The following SNW1 variants were observed in gnomAD, a reference collection of about 807,000 sequenced individuals.
The protein encoded by SNW1 is SNW domain-containing protein 1.
A neutral mutation model predicts 75.6 loss-of-function variants in SNW1; 9 were observed. The ratio of observed to expected loss-of-function variants is 0.12; its 90% CI spans 0.07 to 0.21. The LOEUF (loss-of-function observed/expected upper bound fraction) is 0.21. Ranked by LOEUF, SNW1 falls within the 10% of genes least tolerant of loss-of-function variation. The probability of loss-of-function intolerance (pLI) is 1.00; values close to 1 mark genes in which losing one functional copy is unlikely to be tolerated. For missense variants in SNW1, 409 were observed against 670.9 expected (o/e 0.61, Z 4.31); for synonymous variants, 200 against 219.1 (o/e 0.91, Z 0.77).
In SNW1 at chr14:77,727,977, T is replaced by C. The variant is rs2080598598; in HGVS notation, c.1033+3011A>G. Among the ~76,000 whole-genome samples the C allele has an allele frequency of 1.3e-5, 2 of 151,776 alleles. 1 individual carries two copies. Among genetic ancestry groups the C allele is most frequent in the South Asian group, 4.2e-4 (2 of 4,812 alleles). ...TGAGTAGAACTGGTATTTAGTTCTT[T>C]AAATGTTTGGAAAAATTCGGCAGTG... On this transcript the variant is annotated intron_variant, in intron 10 of 13. Transcript: ENST00000261531.
At position 77,722,036 on chromosome 14, in the gene SNW1, C is replaced by G. The variant is rs2080545445; in HGVS notation, c.1130+1145G>C. On this transcript the variant is annotated intron_variant, in intron 11 of 13. Coordinates refer to ENST00000261531, the MANE Select transcript of SNW1 (RefSeq NM_012245.3). Reference sequence around the variant, plus strand: ...GTGCTGGGATTACAGGTGTCAGCCACTGTGCCCGGCCTCTTTTTTGTGTTT... The same window carrying G: ...GTGCTGGGATTACAGGTGTCAGCCAGTGTGCCCGGCCTCTTTTTTGTGTTT... Among the ~76,000 whole-genome samples the G allele has an allele frequency of 2.6e-5, 4 of 152,238 alleles. No homozygotes were observed. In the South Asian group the frequency reaches 8.3e-4, roughly 32 times the overall value.
intron 8 of SNW1, among the ~76,000 whole-genome samples, chr14:77,733,768 A>C (rs1299820116): frequency 9.2e-5 from 12 of 130,938 alleles, no homozygotes; most frequent in South Asian, 2.5e-4. Flanking sequence ...AAAAAAAAAA[A>C]CCAAAGAAAA....
intron 1 of SNW1, among the ~76,000 whole-genome samples, chr14:77,756,878 T>TCAAA (rs1265457273): frequency 3.0e-4 from 45 of 152,072 alleles, no homozygotes; most frequent in African/African-American, 1.1e-3. Flanking sequence ...AAACTCCATC[T>TCAAA]CAAACAAACA....
intron 11 of SNW1, among the ~76,000 whole-genome samples, chr14:77,721,750 ATTTT>A (rs967290634): frequency 6.6e-6 from 1 of 151,508 alleles, no homozygotes. Context: ...TTATTTTTTT[ATTTT>A]TTATTTTTTA....
intron 2 of SNW1, among the ~76,000 whole-genome samples, 183 bp downstream of exon 2, chr14:77,754,784 A>T (rs2080831882): frequency 6.6e-6 from 1 of 152,236 alleles, no homozygotes; most frequent in Admixed American, 6.5e-5. Context: ...GCAGTGATAG[A>T]TAATAAGCAA....
intron 8 of SNW1, 23 bp downstream of exon 8, chr14:77,734,924 G>A (rs935246771): frequency 1.3e-6 from 2 of 1,531,644 alleles, no homozygotes; most frequent in Admixed American, 3.4e-5. Context: ...TACTAATAGA[G>A]ACTGATTTGA....
intron 3 of SNW1, among the ~76,000 whole-genome samples, chr14:77,745,579 C>T (rs111837627): frequency 2.6e-5 from 4 of 151,936 alleles, no homozygotes; most frequent in Non-Finnish European, 4.4e-5. Context: ...TGGTGGCGGG[C>T]GCCTGTAATC....
intron 11 of SNW1, 47 bp downstream of exon 11, chr14:77,723,134 A>G: frequency 6.8e-7 from 1 of 1,472,698 alleles, no homozygotes; most frequent in Non-Finnish European, 9.5e-7. Flanking sequence ...GGGGTGAACC[A>G]CTGCGCCCGG....
At chr14:77,730,752 T>G in intron 10 of SNW1, 2 of 417,284 alleles carry the variant, frequency 4.8e-6, no homozygotes, top group Non-Finnish European at 4.2e-6. Context: ...AAAAGTACAC[T>G]GCTCAGAAGT....
At chr14:77,733,631 A>G (rs190324883) in intron 8 of SNW1, among the ~76,000 whole-genome samples, 41 of 150,924 alleles carry the variant, frequency 2.7e-4, no homozygotes, top group African/African-American at 6.1e-4. Context: ...TGTGGTCCCA[A>G]CTACTCGGGA....
At chr14:77,743,526 G>A (rs7141127) in intron 3 of SNW1, among the ~76,000 whole-genome samples, 2,081 of 152,058 alleles carry the variant, frequency 0.014, 50 homozygotes, top group African/African-American at 0.048. Flanking sequence ...CAGACCTCTC[G>A]GAAGCAAATC....
intron 3 of SNW1, among the ~76,000 whole-genome samples, chr14:77,750,338 CTT>C (rs2080797715): frequency 6.6e-6 from 1 of 152,126 alleles, no homozygotes; most frequent in Non-Finnish European, 1.5e-5. Context: ...TTCCAATAGT[CTT>C]TATATTCAAA....
At chr14:77,752,997 T>C (rs1407480981) in intron 2 of SNW1, among the ~76,000 whole-genome samples, 2 of 152,190 alleles carry the variant, frequency 1.3e-5, no homozygotes, top group Non-Finnish European at 2.9e-5. Flanking sequence ...CTAGAGTTTT[T>C]CAACTATAAT....
At chr14:77,721,084 T>C in intron 11 of SNW1, 2 of 442,060 alleles carry the variant, frequency 4.5e-6, no homozygotes, top group Non-Finnish European at 4.1e-6. Flanking sequence ...ATGGAATTCT[T>C]TAATATAAGC....
chr14:77,730,910 A>G, intron 10 of SNW1, 78 bp downstream of exon 10: 1 of 1,488,792 alleles, frequency 6.7e-7, no homozygotes, highest in Non-Finnish European at 9.1e-7. Flanking sequence ...CTTTATATGC[A>G]GTAGGAAAAA....
chr14:77,724,993 T>C (rs1419980414), intron 10 of SNW1, among the ~76,000 whole-genome samples: 2 of 152,190 alleles, frequency 1.3e-5, no homozygotes, highest in Admixed American at 1.3e-4. Flanking sequence ...CCCCCCCTTC[T>C]GTATCCTCGC....
chr14:77,729,781 T>C (rs946858602), intron 10 of SNW1, among the ~76,000 whole-genome samples: 3 of 152,212 alleles, frequency 2.0e-5, no homozygotes, highest in African/African-American at 7.2e-5. Context: ...CATCATGTTG[T>C]ATGTTTTATA....
intron 8 of SNW1, among the ~76,000 whole-genome samples, chr14:77,733,135 G>A (rs567475542): frequency 4.7e-4 from 72 of 152,226 alleles, no homozygotes; most frequent in Middle Eastern, 6.8e-3. Flanking sequence ...ACTCTATAAA[G>A]CTTCTAACAT....
intron 5 of SNW1, among the ~76,000 whole-genome samples, chr14:77,737,406 A>G (rs931268857): frequency 6.6e-5 from 10 of 152,186 alleles, no homozygotes; most frequent in Non-Finnish European, 1.5e-4. Context: ...TGAGGAAAAA[A>G]CACTCATAAT....
Sources: allele counts gnomAD v4.1 joint callset (sites outside exome capture counted in the v4.1 genomes callset), GRCh38; gene constraint gnomAD v4.1.1; transcripts MANE v1.5; gene names NCBI Gene and HGNC (gene_info 2026-07-23, HGNC 2026-07-21).